The following ZNF827 variants were observed in gnomAD, a reference collection of about 807,000 sequenced individuals.
The protein encoded by ZNF827 is zinc finger protein 827.
In ZNF827, 13 loss-of-function variants were observed where a neutral mutation model predicts 102.4. That is an observed-to-expected ratio of 0.13 (90% CI 0.08 to 0.20). ZNF827 has a LOEUF of 0.20. Among genes scored for constraint, ZNF827 ranks in the 10% least tolerant of loss-of-function variants. The probability of loss-of-function intolerance (pLI) is 1.00; values close to 1 mark genes in which losing one functional copy is unlikely to be tolerated. For synonymous variants in ZNF827, 523 were observed against 536.2 expected (o/e 0.98, Z 0.34); for missense variants, 1,103 against 1,344.4 (o/e 0.82, Z 2.81).
Position 145,758,322 on chromosome 4 carries a change from C to A in ZNF827, c.*3294G>T, listed in dbSNP as rs1455486502. 2.0e-5 allele frequency: 3 copies of A among 152,162 alleles called. No homozygotes were observed. The highest frequency in any genetic ancestry group is 7.2e-5 in the African/African-American group (3 of 41,428). The allele number at this position is 152,162 out of a possible 1,614,324, so 9.4% of individuals were successfully genotyped here. A position where few individuals can be genotyped will look rare whatever the true frequency, so the allele number is the denominator to read the frequency against. ...GAGCAGTAAACGTCTCCTTCCTTCA[C>A]CTCCTCTCGTTCTTGAAAGTTTCAA... On this transcript the variant is annotated 3_prime_UTR_variant, in exon 15 of 15. Coordinates refer to ENST00000508784, the MANE Select transcript of ZNF827 (RefSeq NM_001306215.2).
intron 2 of ZNF827, among the ~76,000 whole-genome samples, chr4:145,893,877 T>C (rs1236863456): frequency 6.6e-6 from 1 of 152,028 alleles, no homozygotes; most frequent in Non-Finnish European, 1.5e-5. Context: ...CCCAGTTTCT[T>C]CAACATGTAA....
At chr4:145,774,384 T>C in intron 11 of ZNF827, 122 bp downstream of exon 11, 1 of 1,136,360 alleles carries the variant, frequency 8.8e-7, no homozygotes, top group South Asian at 1.6e-5. Context: ...GGAAAGTCCT[T>C]CCTTCCATGG....
At chr4:145,764,903 A>G (rs749015824) in intron 13 of ZNF827, 85 bp downstream of exon 13, 2 of 1,596,412 alleles carry the variant, frequency 1.3e-6, no homozygotes, top group Admixed American at 3.4e-5. Flanking sequence ...GACTCCCAAA[A>G]CCTTCACGGG....
At chr4:145,784,164 A>G (rs1738511796) in intron 8 of ZNF827, among the ~76,000 whole-genome samples, 1 of 152,156 alleles carries the variant, frequency 6.6e-6, no homozygotes, top group Admixed American at 6.5e-5. Flanking sequence ...TGTACAGCCT[A>G]TGGAACTGTG....
At chr4:145,819,176 G>A (rs1742895750) in intron 8 of ZNF827, among the ~76,000 whole-genome samples, 1 of 151,836 alleles carries the variant, frequency 6.6e-6, no homozygotes, top group Non-Finnish European at 1.5e-5. Context: ...TTGCAGATGT[G>A]CTTTACATTA....
At chr4:145,820,624 T>C (rs1743051778) in intron 8 of ZNF827, among the ~76,000 whole-genome samples, 1 of 152,212 alleles carries the variant, frequency 6.6e-6, no homozygotes, top group Non-Finnish European at 1.5e-5. Flanking sequence ...AACGTGCTTA[T>C]TAGCAAAGCT....
At chr4:145,787,775 A>G (rs2127033282) in intron 8 of ZNF827, among the ~76,000 whole-genome samples, 1 of 152,268 alleles carries the variant, frequency 6.6e-6, no homozygotes, top group East Asian at 1.9e-4. Context: ...GATCAAGTAG[A>G]GGACTCTGAT....
chr4:145,920,822 G>A (rs1417752188), intron 1 of ZNF827, among the ~76,000 whole-genome samples: 2 of 152,136 alleles, frequency 1.3e-5, no homozygotes, highest in African/African-American at 4.8e-5. Flanking sequence ...CTTGGATTCT[G>A]TGACCAGCTC....
At chr4:145,840,841 A>G (rs1260334874) in intron 7 of ZNF827, among the ~76,000 whole-genome samples, 2 of 152,238 alleles carry the variant, frequency 1.3e-5, no homozygotes, top group African/African-American at 2.4e-5. Flanking sequence ...AAAATTTTAC[A>G]TTGGATGATT....
intron 8 of ZNF827, among the ~76,000 whole-genome samples, chr4:145,810,997 T>C (rs1741953872): frequency 6.6e-6 from 1 of 151,332 alleles, no homozygotes; most frequent in Non-Finnish European, 1.5e-5. Context: ...ATTTCGCTTT[T>C]TTTTTTTTTT....
At chr4:145,800,114 A>G (rs563903714) in intron 8 of ZNF827, among the ~76,000 whole-genome samples, 15 of 152,274 alleles carry the variant, frequency 9.9e-5, no homozygotes, top group Non-Finnish European at 1.9e-4. Context: ...TATAATGCAT[A>G]TGTTCTCTTT....
intron 1 of ZNF827, among the ~76,000 whole-genome samples, chr4:145,930,838 CGTGT>C (rs145667788): frequency 1.8e-4 from 27 of 151,122 alleles, no homozygotes; most frequent in African/African-American, 4.1e-4. Context: ...TGTGTGTGTG[CGTGT>C]GTGTGTGTGT....
chr4:145,766,158 T>C (rs1053635124), intron 11 of ZNF827, among the ~76,000 whole-genome samples: 6 of 152,058 alleles, frequency 3.9e-5, no homozygotes, highest in Non-Finnish European at 7.4e-5. Flanking sequence ...CTGGCCTAGA[T>C]CATATGGCTG....
rs1751519646 is a variant in ZNF827 at position 145,902,664 on chromosome 4, T to C, written c.595A>G (p.Asn199Asp). 1 of 1,613,876 alleles carries C rather than the reference T, an allele frequency of 6.2e-7. No individual in the cohort carries two copies. Among genetic ancestry groups the C allele is most frequent in the Non-Finnish European group, 8.5e-7 (1 of 1,180,034 alleles). The change falls in exon 2 of 15, where the codon AAC (asparagine) becomes GAC (aspartate). Residue 199 changes from asparagine (N) to aspartate (D), a missense_variant. Asn to Asp is a conservative substitution (Grantham distance 23). Transcript: ENST00000508784. This position sits in a 1 kb window ranked among gnomAD's most constrained non-coding sequence, Gnocchi z 4.3. Reference protein sequence around the residue: ...FIWNQGKWLPNSTTTCSLSPD... With the variant: ...FIWNQGKWLPDSTTTCSLSPD... ...GACAAGCTGCAGGTGGTGGTTGAGT[T>C]TGGCAACCACTTACCTTGATTCCAT...
At chr4:145,885,160 ACTT>A (rs1750001943) in intron 4 of ZNF827, among the ~76,000 whole-genome samples, 1 of 152,086 alleles carries the variant, frequency 6.6e-6, no homozygotes. Context: ...AACCTGAAAA[ACTT>A]CTTAAAGATA....
chr4:145,778,616 GA>G (rs913149464), intron 9 of ZNF827, among the ~76,000 whole-genome samples: 2 of 151,562 alleles, frequency 1.3e-5, no homozygotes, highest in East Asian at 1.9e-4. Context: ...TATCTTGGGG[GA>G]AAAAAAAGAC....
intron 6 of ZNF827, among the ~76,000 whole-genome samples, chr4:145,847,313 T>C (rs1013524764): frequency 1.3e-5 from 2 of 152,168 alleles, no homozygotes; most frequent in African/African-American, 4.8e-5. Context: ...GAGACAGTTA[T>C]TTCCACTGTA....
chr4:145,767,554 C>CA (rs947478949), intron 11 of ZNF827, among the ~76,000 whole-genome samples: 23 of 151,794 alleles, frequency 1.5e-4, no homozygotes, highest in South Asian at 6.2e-4. Context: ...GAAACCTATA[C>CA]AAAAAAAATC....
intron 8 of ZNF827, among the ~76,000 whole-genome samples, chr4:145,794,351 T>G (rs1046645307): frequency 2.0e-5 from 3 of 152,162 alleles, no homozygotes; most frequent in Admixed American, 2.0e-4. Flanking sequence ...GTGGTCACAT[T>G]CTAGTCTTAC....
Sources: gnomAD v4.1 joint callset for allele counts (sites outside exome capture counted in the v4.1 genomes callset) on GRCh38, gnomAD v4.1.1 for gene constraint, Gnocchi (gnomAD v3.1) non-coding constraint, MANE v1.5 for transcripts, NCBI Gene and HGNC (gene_info 2026-07-23, HGNC 2026-07-21) for gene names.